THSD4: variants seen among roughly 807,000 people sequenced by gnomAD.
THSD4 encodes the protein thrombospondin type 1 domain containing 4.
Under a neutral mutation model 119.0 loss-of-function variants are expected in THSD4, and 69 were observed. The ratio of observed to expected loss-of-function variants is 0.58; its 90% CI spans 0.48 to 0.71. THSD4 has a LOEUF of 0.71. THSD4 is among the 30% of genes least tolerant of loss of function. THSD4 has a pLI of 0.00. For synonymous variants in THSD4, 524 were observed against 540.4 expected (o/e 0.97, Z 0.42); for missense variants, 1,393 against 1,391.1 (o/e 1.00, Z -0.02).
chr15:71,527,063 C>G (rs1197982988), intron 7 of THSD4, among the ~76,000 whole-genome samples: 1 of 152,144 alleles, frequency 6.6e-6, no homozygotes, highest in Admixed American at 6.5e-5. Flanking sequence ...AGACTCCTCC[C>G]TCATAAATGG....
chr15:71,145,132 C>T (rs2141374442), intron 2 of THSD4, among the ~76,000 whole-genome samples: 1 of 152,120 alleles, frequency 6.6e-6, no homozygotes, highest in East Asian at 1.9e-4. Flanking sequence ...CCTGGCCAGC[C>T]AACAAAATCT....
At chr15:71,627,757 G>C (rs1156586998) in intron 7 of THSD4, among the ~76,000 whole-genome samples, 2 of 152,188 alleles carry the variant, frequency 1.3e-5, no homozygotes, top group Admixed American at 6.5e-5. Context: ...AGAGTAAGGA[G>C]AGATTTTTTC....
intron 1 of THSD4, among the ~76,000 whole-genome samples, chr15:71,126,690 A>G (rs1053789924): frequency 1.3e-5 from 2 of 152,260 alleles, no homozygotes; most frequent in Non-Finnish European, 2.9e-5. Flanking sequence ...AAATGCCTCA[A>G]GGAGCAATTA....
chr15:71,446,296 G>T (rs1755173892), intron 7 of THSD4, among the ~76,000 whole-genome samples: 1 of 151,862 alleles, frequency 6.6e-6, no homozygotes, highest in Non-Finnish European at 1.5e-5. Flanking sequence ...CCACTTTAAT[G>T]GTCTTCCTTT....
intron 1 of THSD4, among the ~76,000 whole-genome samples, chr15:71,117,312 A>C (rs1236564917): frequency 1.3e-5 from 2 of 152,168 alleles, no homozygotes; most frequent in Non-Finnish European, 2.9e-5. Context: ...GAGGAAGATC[A>C]GGGGTGGGGA....
chr15:71,529,826 GAATTA>G (rs1469651619), intron 7 of THSD4, among the ~76,000 whole-genome samples: 1 of 152,186 alleles, frequency 6.6e-6, no homozygotes, highest in African/African-American at 2.4e-5. Context: ...CAGGATTTGA[GAATTA>G]AATGGGGATC....
chr15:71,566,197 C>A (rs1406249079), intron 7 of THSD4, among the ~76,000 whole-genome samples: 1 of 136,290 alleles, frequency 7.3e-6, no homozygotes, highest in Non-Finnish European at 1.6e-5. Context: ...AATTCAAGTT[C>A]TCTTAAGGCA....
intron 7 of THSD4, among the ~76,000 whole-genome samples, chr15:71,456,779 A>G (rs998698044): frequency 6.6e-6 from 1 of 152,188 alleles, no homozygotes; most frequent in Non-Finnish European, 1.5e-5. Flanking sequence ...ACCTCTTTTC[A>G]TAGCAGCAGC....
chr15:71,660,784 G>A (rs1567087349), intron 8 of THSD4, 50 bp downstream of exon 8: 2 of 1,601,414 alleles, frequency 1.2e-6, no homozygotes, highest in East Asian at 4.5e-5. Context: ...GCCAGATGAT[G>A]TATTCCTTCA....
At chr15:71,754,264 AT>A (rs1340763768) in intron 14 of THSD4, among the ~76,000 whole-genome samples, 2 of 151,690 alleles carry the variant, frequency 1.3e-5, no homozygotes, top group African/African-American at 4.8e-5. Flanking sequence ...TAATTTTTGT[AT>A]TTTTAGTAGA....
At chr15:71,732,564 T>C (rs1015083065) in intron 10 of THSD4, 2 of 152,224 alleles carry the variant, frequency 1.3e-5, no homozygotes, top group African/African-American at 4.8e-5. Flanking sequence ...GTCCTTGCTG[T>C]GTGCAAGGGC....
chr15:71,738,493 A>G (rs1032127325), intron 11 of THSD4, among the ~76,000 whole-genome samples: 3 of 152,158 alleles, frequency 2.0e-5, no homozygotes, highest in Admixed American at 6.5e-5. Flanking sequence ...GATTGGCTCA[A>G]AGGGCTTACG....
rs961221476 is a variant in THSD4 at position 71,748,710 on chromosome 15, A to C, written c.2415+116A>C. ...AAGACTGATTTCTGGCTCTGGGGGGAAAAAAAAGGCCCAGAGAGGAATTAT... is the reference window on the plus strand; with the variant it reads ...AAGACTGATTTCTGGCTCTGGGGGGCAAAAAAAGGCCCAGAGAGGAATTAT... On this transcript the variant is annotated intron_variant, in intron 14 of 17. Coordinates refer to ENST00000261862, the MANE Select transcript of THSD4 (RefSeq NM_024817.3). 7.4e-6 allele frequency: 9 copies of C among 1,214,496 alleles called. No homozygotes were observed. In the African/African-American group the frequency reaches 7.7e-5, roughly 10 times the overall value. The allele number at this position is 1,214,496 out of a possible 1,614,324, so 75.2% of individuals were successfully genotyped here. A position where few individuals can be genotyped will look rare whatever the true frequency, so the allele number is the denominator to read the frequency against.
At chr15:71,181,345 C>G (rs1314900024) in intron 3 of THSD4, among the ~76,000 whole-genome samples, 1 of 152,220 alleles carries the variant, frequency 6.6e-6, no homozygotes, top group African/African-American at 2.4e-5. Context: ...TCAAAGTCAA[C>G]AGCAGAAAAA....
chr15:71,440,826 T>C (rs1235061412), intron 7 of THSD4, among the ~76,000 whole-genome samples: 1 of 152,048 alleles, frequency 6.6e-6, no homozygotes, highest in Non-Finnish European at 1.5e-5. Context: ...CTGGGGACAG[T>C]TTGAATTAGA....
chr15:71,680,684 T>C (rs1384826297), intron 8 of THSD4, among the ~76,000 whole-genome samples: 2 of 152,212 alleles, frequency 1.3e-5, no homozygotes, highest in Non-Finnish European at 2.9e-5. Flanking sequence ...ATGAGCAGAA[T>C]TGTGCAAGTT....
chr15:71,236,533 TAACA>T (rs1270827066), intron 4 of THSD4, among the ~76,000 whole-genome samples: 3 of 152,208 alleles, frequency 2.0e-5, no homozygotes, highest in Non-Finnish European at 4.4e-5. Context: ...CATAATAGTT[TAACA>T]GTCTTTTAAT....
Position 71,162,511 on chromosome 15 carries a change from C to T in THSD4, c.99+7579C>T, listed in dbSNP as rs117290099. Among the ~76,000 whole-genome samples, 251 of 152,048 alleles carry T rather than the reference C, an allele frequency of 1.7e-3. 2 individuals carry two copies. Among genetic ancestry groups the T allele is most frequent in the Middle Eastern group, 0.014 (4 of 294 alleles). On this transcript the variant is annotated intron_variant, in intron 3 of 17. Coordinates refer to ENST00000261862, the MANE Select transcript of THSD4 (RefSeq NM_024817.3). ...AAAAAAAAATCTGCTGGTAGTCTAA[C>T]GGAGATACTCTTGTATGTAACTTGA...
intron 7 of THSD4, among the ~76,000 whole-genome samples, chr15:71,425,211 A>T (rs6494925): frequency 6.6e-6 from 1 of 152,126 alleles, no homozygotes; most frequent in African/African-American, 2.4e-5. Context: ...TTACAGTGAC[A>T]CAGTCAGAGA....
Sources: allele counts gnomAD v4.1 joint callset (sites outside exome capture counted in the v4.1 genomes callset), GRCh38; gene constraint gnomAD v4.1.1; transcripts MANE v1.5; gene names NCBI Gene and HGNC (gene_info 2026-07-23, HGNC 2026-07-21).